The following ADAMTS19 variants were observed in gnomAD, a reference collection of about 807,000 sequenced individuals.
The protein encoded by ADAMTS19 is ADAM metallopeptidase with thrombospondin type 1 motif 19.
Under a neutral mutation model 153.3 loss-of-function variants are expected in ADAMTS19, and 93 were observed. The ratio of observed to expected loss-of-function variants is 0.61; its 90% CI spans 0.51 to 0.72. The LOEUF is 0.72. Among genes scored for constraint, ADAMTS19 ranks in the 30% least tolerant of loss-of-function variants. The probability of loss-of-function intolerance (pLI) is 0.00; values close to 1 mark genes in which losing one functional copy is unlikely to be tolerated. For synonymous variants in ADAMTS19, 600 were observed against 556.6 expected (o/e 1.08, Z -1.10); for missense variants, 1,482 against 1,552.1 (o/e 0.95, Z 0.76).
chr5:129,499,814 G>A (rs1226436551), intron 2 of ADAMTS19, among the ~76,000 whole-genome samples: 1 of 152,094 alleles, frequency 6.6e-6, no homozygotes, highest in Non-Finnish European at 1.5e-5. Flanking sequence ...GTTTCTTTCT[G>A]ATAACCATTT....
At chr5:129,486,184 A>G (rs766443990) in intron 2 of ADAMTS19, among the ~76,000 whole-genome samples, 2 of 152,202 alleles carry the variant, frequency 1.3e-5, no homozygotes, top group Admixed American at 6.5e-5. Context: ...CTAAGGAAGA[A>G]GTACTAGAAA....
intron 7 of ADAMTS19, among the ~76,000 whole-genome samples, chr5:129,584,344 A>C (rs1228343618): frequency 6.6e-6 from 1 of 152,162 alleles, no homozygotes; most frequent in Non-Finnish European, 1.5e-5. Flanking sequence ...AACTGCTGGG[A>C]GGTGTCTCCC....
intron 8 of ADAMTS19, among the ~76,000 whole-genome samples, chr5:129,604,457 A>G (rs1750800063): frequency 6.6e-6 from 1 of 152,168 alleles, no homozygotes; most frequent in Admixed American, 6.5e-5. Context: ...GTAAATGCAC[A>G]TTTGTTCATC....
intron 13 of ADAMTS19, among the ~76,000 whole-genome samples, chr5:129,653,483 T>C (rs147012623): frequency 1.3e-5 from 2 of 152,290 alleles, no homozygotes; most frequent in African/African-American, 2.4e-5. Flanking sequence ...GATTGCTCAA[T>C]GATGCACAAA....
chr5:129,695,477 G>T (rs1390148391), intron 19 of ADAMTS19, among the ~76,000 whole-genome samples: 1 of 152,162 alleles, frequency 6.6e-6, no homozygotes, highest in Non-Finnish European at 1.5e-5. Flanking sequence ...AAACAGCAAT[G>T]CTGAGCAGCT....
chr5:129,677,677 C>A (rs888953424), intron 16 of ADAMTS19, among the ~76,000 whole-genome samples: 3 of 152,170 alleles, frequency 2.0e-5, no homozygotes, highest in Non-Finnish European at 4.4e-5. Flanking sequence ...ATATTTTCAT[C>A]CATTCCCTTA....
chr5:129,468,808 G>T (rs1274571629), intron 2 of ADAMTS19, among the ~76,000 whole-genome samples: 1 of 151,386 alleles, frequency 6.6e-6, no homozygotes, highest in African/African-American at 2.4e-5. Flanking sequence ...ATGGATTCTT[G>T]TTCTGTCGGC....
intron 21 of ADAMTS19, among the ~76,000 whole-genome samples, chr5:129,734,614 C>T (rs1451099897): frequency 6.6e-6 from 1 of 152,036 alleles, no homozygotes; most frequent in East Asian, 1.9e-4. Context: ...CCTTGGAAAG[C>T]TGTCTGCTCA....
chr5:129,579,069 G>A (rs1351420788), intron 7 of ADAMTS19, among the ~76,000 whole-genome samples: 1 of 152,146 alleles, frequency 6.6e-6, no homozygotes, highest in African/African-American at 2.4e-5. Context: ...CAGTATAAAA[G>A]CATTCCTGTT....
intron 18 of ADAMTS19, among the ~76,000 whole-genome samples, chr5:129,692,648 G>T (rs934483991): frequency 2.6e-5 from 4 of 152,178 alleles, no homozygotes; most frequent in African/African-American, 9.7e-5. Flanking sequence ...CAGCCAAGGG[G>T]ACTGCAATCC....
chr5:129,624,440 G>A (rs575756592), intron 10 of ADAMTS19, among the ~76,000 whole-genome samples: 2 of 152,050 alleles, frequency 1.3e-5, no homozygotes, highest in Admixed American at 6.6e-5. Flanking sequence ...CAAAGGTTTG[G>A]GTTTGTGGGC....
At chr5:129,680,044 A>C in intron 17 of ADAMTS19, 123 bp downstream of exon 17, 1 of 1,134,736 alleles carries the variant, frequency 8.8e-7, no homozygotes, top group Non-Finnish European at 1.2e-6. Flanking sequence ...AATTATTTAA[A>C]AAGTGGAATT....
intron 3 of ADAMTS19, among the ~76,000 whole-genome samples, chr5:129,524,031 T>G (rs1429313697): frequency 6.6e-6 from 1 of 152,046 alleles, no homozygotes; most frequent in African/African-American, 2.4e-5. Context: ...AGAAAAAAGC[T>G]GGGGGCATCA....
At chr5:129,608,950 GAATA>G (rs762758316) in intron 8 of ADAMTS19, among the ~76,000 whole-genome samples, 25 of 151,586 alleles carry the variant, frequency 1.6e-4, no homozygotes, top group Non-Finnish European at 3.1e-4. Flanking sequence ...GATGAAATAA[GAATA>G]AATTGTTATA....
chr5:129,582,565 T>C (rs1276826095), intron 7 of ADAMTS19, among the ~76,000 whole-genome samples: 1 of 151,732 alleles, frequency 6.6e-6, no homozygotes, highest in Admixed American at 6.6e-5. Context: ...GTGTCTTTTA[T>C]TTATTTTTAA....
intron 2 of ADAMTS19, among the ~76,000 whole-genome samples, chr5:129,497,760 C>G (rs1156939338): frequency 6.6e-6 from 1 of 151,984 alleles, no homozygotes; most frequent in Non-Finnish European, 1.5e-5. Context: ...AAATAAATGT[C>G]AGATCTGTTT....
At chr5:129,572,361 C>T (rs572922290) in intron 7 of ADAMTS19, among the ~76,000 whole-genome samples, 1 of 152,050 alleles carries the variant, frequency 6.6e-6, no homozygotes, top group East Asian at 1.9e-4. Flanking sequence ...AATGGTGTGG[C>T]AGTTTATCCT....
At chr5:129,724,286 A>C (rs1461047008) in intron 21 of ADAMTS19, among the ~76,000 whole-genome samples, 2 of 152,192 alleles carry the variant, frequency 1.3e-5, no homozygotes, top group African/African-American at 2.4e-5. Flanking sequence ...AGGGCCTGCT[A>C]TCTGTCATAT....
chr5:129,649,141 TA>T lies in ADAMTS19; in HGVS notation c.2176+176del, dbSNP rs1330106969. Among the ~76,000 whole-genome samples the T allele has an allele frequency of 3.3e-5, 5 of 152,310 alleles. No homozygotes were observed. The East Asian group carries it at 7.7e-4, about 23-fold the overall frequency. On this transcript the variant is annotated intron_variant, in intron 13 of 22. Coordinates refer to ENST00000274487, the MANE Select transcript of ADAMTS19 (RefSeq NM_133638.6). ...CACAAGCACTGACAAAAATATATTT[TA>T]AAAATATGAGGAGCTGTTACCCCAT...
Sources: gnomAD v4.1 joint callset for allele counts (sites outside exome capture counted in the v4.1 genomes callset) on GRCh38, gnomAD v4.1.1 for gene constraint, MANE v1.5 for transcripts, NCBI Gene and HGNC (gene_info 2026-07-23, HGNC 2026-07-21) for gene names.